Variants in ESRRG observed in about 807,000 individuals in gnomAD.
The protein encoded by ESRRG is estrogen related receptor gamma.
Under a neutral mutation model 44.0 loss-of-function variants are expected in ESRRG, and 13 were observed. That is an observed-to-expected ratio of 0.30 (90% CI 0.19 to 0.47). ESRRG has a LOEUF of 0.47. Among genes scored for constraint, ESRRG ranks in the 20% least tolerant of loss-of-function variants. The pLI, the probability that ESRRG is intolerant of heterozygous loss-of-function variation, is 1.00. For missense variants in ESRRG, 395 were observed against 580.6 expected (o/e 0.68, Z 3.29); for synonymous variants, 215 against 214.6 (o/e 1.00, Z -0.02).
At chr1:216,694,230 A>G (rs1443920988) in intron 1 of ESRRG, among the ~76,000 whole-genome samples, 3 of 152,212 alleles carry the variant, frequency 2.0e-5, no homozygotes, top group Admixed American at 6.5e-5. Context: ...AATTATTTGC[A>G]TTAAATCAGA....
At chr1:216,943,645 C>A (rs980686335) in intron 1 of ESRRG, among the ~76,000 whole-genome samples, 1 of 152,114 alleles carries the variant, frequency 6.6e-6, no homozygotes, top group African/African-American at 2.4e-5. Flanking sequence ...AAAGCCTGAA[C>A]AGCATATACT....
At chr1:216,636,990 A>C (rs1420368628) in intron 3 of ESRRG, among the ~76,000 whole-genome samples, 1 of 152,186 alleles carries the variant, frequency 6.6e-6, no homozygotes, top group African/African-American at 2.4e-5. Context: ...CCAGATCCTA[A>C]TTAATGACTG....
rs145857298 is a variant in ESRRG, at chr1:217,128,551, C to T, written c.-230+9116G>A. Among the ~76,000 whole-genome samples, 263 of 152,022 alleles carry T rather than the reference C, an allele frequency of 1.7e-3. 1 individual carries two copies. Among genetic ancestry groups the T allele is most frequent in the African/African-American group, 6.1e-3 (253 of 41,470 alleles). On this transcript the variant is annotated intron_variant, in intron 1 of 8. Transcript: ENST00000366940. Reference sequence around the variant, plus strand: ...CTTAATGTTATTTAAACAGAGGAGACTATTTGAAATTTCTTGGTAGATGAA... The same window carrying T: ...CTTAATGTTATTTAAACAGAGGAGATTATTTGAAATTTCTTGGTAGATGAA...
At chr1:216,866,131 A>G (rs766245441) in intron 2 of ESRRG, among the ~76,000 whole-genome samples, 15 of 152,242 alleles carry the variant, frequency 9.9e-5, no homozygotes, top group Non-Finnish European at 2.1e-4. Flanking sequence ...GTTTAACAGC[A>G]GCAAATATCA....
At chr1:216,653,549 G>T (rs1394236924) in intron 2 of ESRRG, among the ~76,000 whole-genome samples, 3 of 152,076 alleles carry the variant, frequency 2.0e-5, no homozygotes, top group African/African-American at 7.2e-5. Context: ...TTTGCTAAGT[G>T]TCCTTCAGAC....
intron 6 of ESRRG, among the ~76,000 whole-genome samples, chr1:216,511,570 A>ACACACAC (rs1553275786): frequency 4.2e-5 from 1 of 23,574 alleles, no homozygotes; most frequent in African/African-American, 1.0e-4. Flanking sequence ...CACACAGACA[A>ACACACAC]ATACACAATG....
At chr1:217,047,412 G>A (rs551507876) in intron 1 of ESRRG, among the ~76,000 whole-genome samples, 57 of 151,900 alleles carry the variant, frequency 3.8e-4, no homozygotes, top group South Asian at 3.5e-3. Context: ...CAGAAACCTC[G>A]GACTCTCACA....
At chr1:217,020,969 T>C (rs1276116811) in intron 1 of ESRRG, among the ~76,000 whole-genome samples, 1 of 151,782 alleles carries the variant, frequency 6.6e-6, no homozygotes, top group Non-Finnish European at 1.5e-5. Context: ...TGAGCTTGAT[T>C]TGGTACAGGG....
intron 3 of ESRRG, among the ~76,000 whole-genome samples, chr1:216,580,328 C>A (rs1254255679): frequency 6.6e-6 from 1 of 151,926 alleles, no homozygotes; most frequent in South Asian, 2.1e-4. Context: ...TTTCTTAATG[C>A]ACCAGTGTAC....
At chr1:216,898,845 A>G (rs758554316) in intron 2 of ESRRG, among the ~76,000 whole-genome samples, 2 of 152,134 alleles carry the variant, frequency 1.3e-5, no homozygotes, top group Non-Finnish European at 1.5e-5. Context: ...TTATGGGAAA[A>G]CATGTCTATG....
intron 1 of ESRRG, among the ~76,000 whole-genome samples, chr1:216,968,646 T>A (rs1475361166): frequency 6.6e-6 from 1 of 151,928 alleles, no homozygotes; most frequent in East Asian, 1.9e-4. Context: ...AGCTTTAAAG[T>A]AGTATCAGTT....
At chr1:217,087,886 A>AAACCTC (rs2092180486) in intron 1 of ESRRG, among the ~76,000 whole-genome samples, 1 of 152,170 alleles carries the variant, frequency 6.6e-6, no homozygotes, top group Non-Finnish European at 1.5e-5. Flanking sequence ...AAACCTCATC[A>AAACCTC]ATGTCACTTC....
intron 2 of ESRRG, among the ~76,000 whole-genome samples, chr1:216,738,204 A>T (rs1253584950): frequency 1.3e-5 from 2 of 152,154 alleles, no homozygotes; most frequent in Non-Finnish European, 2.9e-5. Context: ...ACTGCAGCCA[A>T]CATTAAAAAG....
chr1:217,017,832 C>T (rs191133365), intron 1 of ESRRG, among the ~76,000 whole-genome samples: 5 of 152,248 alleles, frequency 3.3e-5, no homozygotes, highest in Admixed American at 3.3e-4. Flanking sequence ...ACAGCAATAA[C>T]CAAAGGCACA....
At chr1:216,961,388 A>G (rs1216142019) in intron 1 of ESRRG, among the ~76,000 whole-genome samples, 1 of 152,170 alleles carries the variant, frequency 6.6e-6, no homozygotes, top group Non-Finnish European at 1.5e-5. Context: ...AAAAAATGAT[A>G]AAGTCTATCT....
At chr1:216,875,211 T>C (rs536333640) in intron 2 of ESRRG, among the ~76,000 whole-genome samples, 14 of 152,304 alleles carry the variant, frequency 9.2e-5, no homozygotes, top group African/African-American at 3.4e-4. Flanking sequence ...GTGTTTGGCT[T>C]TTATTTTTTA....
At chr1:217,065,056 G>A (rs1396284705) in intron 1 of ESRRG, among the ~76,000 whole-genome samples, 3 of 152,122 alleles carry the variant, frequency 2.0e-5, no homozygotes, top group South Asian at 4.1e-4. Context: ...GCTCCTTGAC[G>A]GGAAGCCCTG....
At chr1:216,776,379 A>T (rs1185213112) in intron 2 of ESRRG, among the ~76,000 whole-genome samples, 1 of 152,034 alleles carries the variant, frequency 6.6e-6, no homozygotes, top group African/African-American at 2.4e-5. Context: ...AGGCTGACTT[A>T]GAGGCACCTG....
chr1:216,756,682 G>A (rs1237133145), intron 2 of ESRRG, among the ~76,000 whole-genome samples: 1 of 152,004 alleles, frequency 6.6e-6, no homozygotes, highest in African/African-American at 2.4e-5. Flanking sequence ...AATATCTAAA[G>A]AGGCCAGTAT....
Sources: gnomAD v4.1 joint callset for allele counts (sites outside exome capture counted in the v4.1 genomes callset) on GRCh38, gnomAD v4.1.1 for gene constraint, MANE v1.5 for transcripts, NCBI Gene and HGNC (gene_info 2026-07-23, HGNC 2026-07-21) for gene names.